Variants in RFX7 observed in about 807,000 individuals in gnomAD.
The protein encoded by RFX7 is regulatory factor X7.
RFX7 carries 26 observed loss-of-function variants against 111.8 expected under a neutral mutation model. The ratio of observed to expected loss-of-function variants is 0.23; its 90% CI spans 0.17 to 0.32. RFX7 has a LOEUF of 0.32. Among genes scored for constraint, RFX7 ranks in the 10% least tolerant of loss-of-function variants. RFX7 has a pLI of 1.00. For missense variants in RFX7, 1,573 were observed against 1,772.9 expected (o/e 0.89, Z 2.02); for synonymous variants, 624 against 624.4 (o/e 1.00, Z 0.01).
intron 9 of RFX7, 53 bp downstream of exon 9, chr15:56,098,028 A>G: frequency 2.0e-6 from 3 of 1,532,710 alleles, no homozygotes; most frequent in Non-Finnish European, 2.7e-6. Context: ...TTTTAAGTAA[A>G]CAGTTGATTT....
chr15:56,189,820 T>C (rs1002767338), intron 2 of RFX7: 2 of 152,204 alleles, frequency 1.3e-5, no homozygotes, highest in African/African-American at 4.8e-5. Context: ...GTTTAGCATT[T>C]AGACATAAAC....
intron 5 of RFX7, among the ~76,000 whole-genome samples, chr15:56,106,585 C>T (rs1474137327): frequency 4.6e-5 from 7 of 152,166 alleles, no homozygotes; most frequent in Admixed American, 4.6e-4. Context: ...TGGTCATACT[C>T]TTAAATGATG....
intron 2 of RFX7, among the ~76,000 whole-genome samples, chr15:56,197,345 GA>G (rs1253496432): frequency 6.6e-6 from 1 of 151,952 alleles, no homozygotes; most frequent in Admixed American, 6.6e-5. Context: ...ATTGTCCAAG[GA>G]AAATTTTTAT....
chr15:56,137,437 C>T (rs1278758912), intron 5 of RFX7, among the ~76,000 whole-genome samples: 7 of 152,082 alleles, frequency 4.6e-5, no homozygotes, highest in African/African-American at 1.4e-4. Context: ...TGTTAGTTTG[C>T]ATTTCTGTGG....
chr15:56,108,486 G>GA (rs1301951285), intron 5 of RFX7, among the ~76,000 whole-genome samples: 6 of 151,970 alleles, frequency 3.9e-5, no homozygotes, highest in African/African-American at 1.5e-4. Flanking sequence ...AAAGGCCTTC[G>GA]AAAAAATGCA....
intron 2 of RFX7, among the ~76,000 whole-genome samples, chr15:56,215,828 G>A (rs2043358109): frequency 6.6e-6 from 1 of 152,094 alleles, no homozygotes; most frequent in Admixed American, 6.6e-5. Flanking sequence ...GAGGTGGGTG[G>A]GTTCTGTCTA....
At chr15:56,219,499 T>C (rs2043401983) in intron 2 of RFX7, among the ~76,000 whole-genome samples, 1 of 152,186 alleles carries the variant, frequency 6.6e-6, no homozygotes, top group South Asian at 2.1e-4. Context: ...ACCTGATAGG[T>C]AGCTTTTTTA....
At chr15:56,131,206 A>G (rs2042209019) in intron 5 of RFX7, among the ~76,000 whole-genome samples, 1 of 151,978 alleles carries the variant, frequency 6.6e-6, no homozygotes, top group South Asian at 2.1e-4. Context: ...ATGGTACACT[A>G]CAAGATAACA....
chr15:56,095,369 T>C lies in RFX7; in HGVS notation c.2359A>G (p.Lys787Glu). The change falls in exon 10 of 10, where the codon AAA becomes GAA. Residue 787 changes from lysine (K) to glutamate (E), a missense_variant. Lys to Glu is a moderately conservative substitution (Grantham distance 56, BLOSUM62 1). Transcript: ENST00000559447. The part of the protein sequence containing the change: ...FNPNGWQQIT[K>E]DSEFISASCE... ...CTGGCAGATATAAACTCAGAATCTT[T>C]AGTGATTTGTTGCCATCCATTTGGA... 1 of 1,613,872 alleles carries C rather than the reference T, an allele frequency of 6.2e-7. No individual in the cohort carries two copies. Among genetic ancestry groups the C allele is most frequent in the Non-Finnish European group, 8.5e-7 (1 of 1,179,878 alleles).
intron 2 of RFX7, among the ~76,000 whole-genome samples, chr15:56,231,344 T>C (rs557472033): frequency 6.6e-6 from 1 of 152,174 alleles, no homozygotes; most frequent in South Asian, 2.1e-4. Flanking sequence ...AGAGGTTTAA[T>C]GGACTCACAG....
In RFX7 at chr15:56,094,887, T is replaced by C; in HGVS notation, c.2841A>G (p.Thr947=). 6.4e-7 allele frequency: 1 copy of C among 1,559,810 alleles called. No individual in the cohort carries two copies. The highest frequency in any genetic ancestry group is 8.7e-7 in the Non-Finnish European group (1 of 1,152,450). ...GAGTGGGTGTGGGTGTGGGTGTGGG[T>C]GTGTGGATTGGAGTGCCATTGCTGT... ...PIHSNGTPIH[T]PTPTPTPTPT... is the part of the protein sequence containing the mutation. The change falls in exon 10 of 10, where the codon ACA becomes ACG. Residue 947 remains threonine, a synonymous_variant. Transcript: ENST00000559447.
chr15:56,195,374 C>A (rs896889254), intron 2 of RFX7, among the ~76,000 whole-genome samples: 9 of 152,070 alleles, frequency 5.9e-5, no homozygotes, highest in Non-Finnish European at 1.3e-4. Context: ...GAATCATACA[C>A]TTTATGTGGT....
intron 5 of RFX7, among the ~76,000 whole-genome samples, chr15:56,125,490 A>T (rs1484043751): frequency 6.6e-6 from 1 of 151,852 alleles, no homozygotes; most frequent in African/African-American, 2.4e-5. Context: ...TGAGCATGGG[A>T]TGTCTTTTCA....
chr15:56,102,034 CTG>C, intron 7 of RFX7, 133 bp downstream of exon 7: 1 of 657,264 alleles, frequency 1.5e-6, no homozygotes, highest in Non-Finnish European at 2.6e-6. Flanking sequence ...TTTTCAGCCA[CTG>C]TGTGATTTTT....
intron 2 of RFX7, among the ~76,000 whole-genome samples, chr15:56,191,700 A>C (rs983245226): frequency 2.6e-5 from 4 of 152,200 alleles, no homozygotes; most frequent in Non-Finnish European, 4.4e-5. Flanking sequence ...GGAAAAAAAA[A>C]CCAGACAGAT....
At chr15:56,115,463 T>G (rs1279307017) in intron 5 of RFX7, among the ~76,000 whole-genome samples, 5 of 152,212 alleles carry the variant, frequency 3.3e-5, no homozygotes, top group Admixed American at 2.0e-4. Context: ...GCTGTCTGCT[T>G]AGTGTATTCA....
At chr15:56,207,385 A>C (rs1451803510) in intron 2 of RFX7, among the ~76,000 whole-genome samples, 6 of 152,160 alleles carry the variant, frequency 3.9e-5, no homozygotes, top group Non-Finnish European at 8.8e-5. Flanking sequence ...GACTGTACTT[A>C]ATGCTACTGA....
chr15:56,167,562 A>T (rs1472325498), intron 3 of RFX7, among the ~76,000 whole-genome samples: 1 of 152,214 alleles, frequency 6.6e-6, no homozygotes, highest in Non-Finnish European at 1.5e-5. Flanking sequence ...TACATCTAAA[A>T]ATGTTACAAC....
chr15:56,138,600 A>C (rs1220480607), intron 5 of RFX7, among the ~76,000 whole-genome samples: 1 of 151,934 alleles, frequency 6.6e-6, no homozygotes, highest in Non-Finnish European at 1.5e-5. Flanking sequence ...TAATTGGAGC[A>C]TTTAGCCCAT....
Sources: allele counts gnomAD v4.1 joint callset (sites outside exome capture counted in the v4.1 genomes callset), GRCh38; gene constraint gnomAD v4.1.1; transcripts MANE v1.5; gene names NCBI Gene and HGNC (gene_info 2026-07-23, HGNC 2026-07-21).